The following SYNRG variants were observed in gnomAD, a reference collection of about 807,000 sequenced individuals.
SYNRG encodes synergin gamma, also known as AP1 gamma subunit binding protein 1.
A neutral mutation model predicts 130.9 loss-of-function variants in SYNRG; 37 were observed. The observed-to-expected ratio is 0.28, with a 90% confidence interval of 0.22 to 0.37. SYNRG has a LOEUF of 0.37. Ranked by LOEUF, SYNRG falls within the 10% of genes least tolerant of loss-of-function variation. The pLI, the probability that SYNRG is intolerant of heterozygous loss-of-function variation, is 1.00. For missense variants in SYNRG, 1,338 were observed against 1,588.9 expected, an observed-to-expected ratio of 0.84 and a Z score of 2.68; for synonymous variants, 539 against 568.1, an observed-to-expected ratio of 0.95 and a Z score of 0.73.
At chr17:37,560,852 A>C (rs2059473815) in intron 13 of SYNRG, among the ~76,000 whole-genome samples, 1 of 151,544 alleles carries the variant, frequency 6.6e-6, no homozygotes, top group Non-Finnish European at 1.5e-5. Context: ...TTTAGTAAAG[A>C]CAGGGTTTTG....
chr17:37,540,827 G>A, intron 15 of SYNRG: 1 of 843,222 alleles, frequency 1.2e-6, no homozygotes, highest in South Asian at 4.5e-5. Context: ...TAGATACACG[G>A]TTTCATTGTG....
intron 14 of SYNRG, among the ~76,000 whole-genome samples, chr17:37,551,895 G>A (rs1248712683): frequency 9.0e-4 from 130 of 143,752 alleles, no homozygotes; most frequent in African/African-American, 3.1e-3. Flanking sequence ...AAAAAAGACA[G>A]AAAGTAGACA....
intron 19 of SYNRG, among the ~76,000 whole-genome samples, chr17:37,524,762 G>A (rs2055618239): frequency 6.6e-6 from 1 of 152,204 alleles, no homozygotes; most frequent in Non-Finnish European, 1.5e-5. Context: ...CTCTGGAAGT[G>A]AAAAGTAGTC....
intron 21 of SYNRG, among the ~76,000 whole-genome samples, chr17:37,519,723 C>T (rs2054756134): frequency 6.6e-6 from 1 of 152,206 alleles, no homozygotes; most frequent in South Asian, 2.1e-4. Flanking sequence ...CAGTAAGCTA[C>T]AGTCAGCCAT....
At chr17:37,565,224 A>C (rs2059839924) in intron 11 of SYNRG, among the ~76,000 whole-genome samples, 1 of 152,178 alleles carries the variant, frequency 6.6e-6, no homozygotes, top group African/African-American at 2.4e-5. Flanking sequence ...AGATCGCGCA[A>C]CTGCACTTTA....
chr17:37,577,825 A>G (rs1370089416), intron 6 of SYNRG, among the ~76,000 whole-genome samples: 1 of 148,026 alleles, frequency 6.8e-6, no homozygotes, highest in Non-Finnish European at 1.5e-5. Flanking sequence ...CAGCCTCCTT[A>G]GTAGCTGAGA....
In SYNRG at chr17:37,570,862, A is replaced by C. The variant is rs780904030; in HGVS notation, c.1122T>G (p.Pro374=). 3 of 1,614,098 alleles carry C rather than the reference A, an allele frequency of 1.9e-6. No homozygotes were observed. The highest frequency in any genetic ancestry group is 2.5e-6 in the Non-Finnish European group (3 of 1,180,000). ...CTGCTGGGAACTGGTTTAAAGCATC[A>C]GGACTCATTGCAGGAACGCCCCTCT... ...VTQRGVPAMS[P]DALNQFPAAP... Residue 374 remains proline (P), a synonymous_variant, in exon 10 of 22, where the codon CCT becomes CCG. Transcript: ENST00000612223.
At chr17:37,549,695 ATCC>A (rs768015514) in intron 14 of SYNRG, among the ~76,000 whole-genome samples, 1 of 152,258 alleles carries the variant, frequency 6.6e-6, no homozygotes. Flanking sequence ...GGATCAACTG[ATCC>A]TCACACTTTA....
At chr17:37,565,452 T>G (rs1033524404) in intron 11 of SYNRG, among the ~76,000 whole-genome samples, 2 of 151,966 alleles carry the variant, frequency 1.3e-5, no homozygotes, top group African/African-American at 4.8e-5. Flanking sequence ...TTGCAGCCTC[T>G]GCCCGGCCGC....
At chr17:37,585,284 G>A (rs1447757634) in intron 5 of SYNRG, 41 bp downstream of exon 5, 5 of 1,483,104 alleles carry the variant, frequency 3.4e-6, no homozygotes, top group Non-Finnish European at 4.7e-6. Flanking sequence ...GCACATTCAG[G>A]GTGTGTATGT....
In SYNRG at chr17:37,539,189, C is replaced by G; in HGVS notation, c.3420+3G>C. On this transcript the variant is annotated splice_donor_region_variant and intron_variant, in intron 17 of 21. Transcript: ENST00000612223. ...TGTGTGAACGCGTAAGTGACATACT[C>G]ACATTCAGGGCACTCCCCAGGCATC... 1 of 1,614,056 alleles carries G rather than the reference C, an allele frequency of 6.2e-7. No individual in the cohort carries two copies. Among genetic ancestry groups the G allele is most frequent in the Non-Finnish European group, 8.5e-7 (1 of 1,179,992 alleles).
intron 19 of SYNRG, among the ~76,000 whole-genome samples, chr17:37,532,621 C>T (rs1308036688): frequency 7.4e-6 from 1 of 134,960 alleles, no homozygotes; most frequent in East Asian, 2.3e-4. Flanking sequence ...TGCAGTGAGC[C>T]GAGATTGCAC....
At position 37,536,140 on chromosome 17, in the gene SYNRG, G is replaced by C; in HGVS notation, c.3518-13C>G. On this transcript the variant is annotated splice_polypyrimidine_tract_variant and intron_variant, in intron 18 of 21. Transcript: ENST00000612223. ...ACTTCAACAACACCTGACGGGATGA[G>C]AGAGCAGAGAGAGAGTGTTGGCAGT... is the stretch of plus-strand genomic sequence containing the variant. The C allele has an allele frequency of 6.3e-7, 1 of 1,599,396 alleles. No individual in the cohort carries two copies. The highest frequency in any genetic ancestry group is 1.1e-5 in the South Asian group (1 of 89,800).
intron 3 of SYNRG, among the ~76,000 whole-genome samples, chr17:37,588,258 C>CTTTTTT (rs35767898): frequency 1.9e-5 from 2 of 103,204 alleles, no homozygotes; most frequent in Non-Finnish European, 1.9e-5. Flanking sequence ...ACTTTAAATT[C>CTTTTTT]TTTTTTTTTT....
intron 8 of SYNRG, among the ~76,000 whole-genome samples, chr17:37,574,368 C>A (rs1828595821): frequency 6.6e-6 from 1 of 152,014 alleles, no homozygotes; most frequent in Non-Finnish European, 1.5e-5. Flanking sequence ...GAGTAATAAC[C>A]CAAAAGTAAA....
intron 19 of SYNRG, 108 bp from the exon 20 acceptor site, chr17:37,520,756 C>T: frequency 1.3e-6 from 1 of 794,782 alleles, no homozygotes; most frequent in Non-Finnish European, 2.1e-6. Flanking sequence ...GTACAGTACT[C>T]TAACACCACC....
At chr17:37,527,896 G>A (rs905581402) in intron 19 of SYNRG, among the ~76,000 whole-genome samples, 2 of 152,142 alleles carry the variant, frequency 1.3e-5, no homozygotes, top group Non-Finnish European at 2.9e-5. Context: ...TTAAGACGGT[G>A]TACCCTGCCT....
Position 37,520,172 on chromosome 17 carries a change from T to G in SYNRG, c.3813+7A>C, listed in dbSNP as rs1051667748. 1 of 1,614,116 alleles carries G rather than the reference T, an allele frequency of 6.2e-7. No individual in the cohort carries two copies. Among genetic ancestry groups the G allele is most frequent in the African/African-American group, 1.3e-5 (1 of 75,024 alleles). ...AGACGCTAAGATAAGGTGTAACTGGTTCATACTTTTTTAGGATGTTCTTCT... is the reference window on the plus strand; with the variant it reads ...AGACGCTAAGATAAGGTGTAACTGGGTCATACTTTTTTAGGATGTTCTTCT... On this transcript the variant is annotated splice_region_variant and intron_variant, in intron 21 of 21. Coordinates refer to ENST00000612223, the MANE Select transcript of SYNRG (RefSeq NM_007247.6).
chr17:37,545,768 A>G (rs928846977), intron 14 of SYNRG, among the ~76,000 whole-genome samples: 11 of 152,240 alleles, frequency 7.2e-5, no homozygotes, highest in African/African-American at 2.7e-4. Flanking sequence ...AAGAGCAAAT[A>G]TACAAGAGTC....
Sources: allele counts gnomAD v4.1 joint callset (sites outside exome capture counted in the v4.1 genomes callset), GRCh38; gene constraint gnomAD v4.1.1; transcripts MANE v1.5; gene names NCBI Gene and HGNC (gene_info 2026-07-23, HGNC 2026-07-21).